Variants in FBXO31 observed in about 807,000 individuals in gnomAD.
The protein encoded by FBXO31 is F-box protein 31, also known as F-box only protein 31.
Under a neutral mutation model 54.4 loss-of-function variants are expected in FBXO31, and 24 were observed. The ratio of observed to expected loss-of-function variants is 0.44; its 90% CI spans 0.32 to 0.62. The LOEUF (loss-of-function observed/expected upper bound fraction) is 0.62, where lower values mean the gene tolerates loss of function less well. Among genes scored for constraint, FBXO31 ranks in the 20% least tolerant of loss-of-function variants. The pLI, the probability that FBXO31 is intolerant of heterozygous loss-of-function variation, is 0.05. For missense variants in FBXO31, 665 were observed against 787.1 expected (o/e 0.84, Z 1.86); for synonymous variants, 388 against 335.6 (o/e 1.16, Z -1.71).
chr16:87,376,232 T>G (rs1906817879), intron 1 of FBXO31, among the ~76,000 whole-genome samples: 1 of 152,114 alleles, frequency 6.6e-6, no homozygotes. Flanking sequence ...CCATTTTTGT[T>G]GCTTGCTCTC....
At chr16:87,347,291 A>G (rs759190480) in intron 2 of FBXO31, 41 bp from the exon 3 acceptor site, 7 of 1,579,194 alleles carry the variant, frequency 4.4e-6, no homozygotes, top group Non-Finnish European at 6.1e-6. Context: ...TGTTAGACCC[A>G]GCGTGCCGCA....
chr16:87,377,617 C>A (rs1012041655), intron 1 of FBXO31, among the ~76,000 whole-genome samples: 1 of 151,970 alleles, frequency 6.6e-6, no homozygotes, highest in Non-Finnish European at 1.5e-5. Flanking sequence ...CTTGAGGCCA[C>A]GAGTTCAAGA....
Position 87,360,300 on chromosome 16 carries a change from G to A in FBXO31, c.407C>T (p.Ala136Val), listed in dbSNP as rs746480158. Residue 136 changes from alanine to valine, a missense_variant, in exon 2 of 9, where the codon GCG (alanine) becomes GTG (valine). This residue lies in a region of FBXO31 where 234 missense variants were observed against 346.8 expected (regional missense o/e 0.67). Transcript: ENST00000311635. ...ITGVSCRDVY[A>V]KLLHRYRHIL... ...TAACAAATAGATTCACTCACGCTTC[G>A]CATAGACGTCCCGACAAGACACGCC... is the stretch of plus-strand genomic sequence containing the variant. 5 of 1,613,790 alleles carry A rather than the reference G, an allele frequency of 3.1e-6. No homozygotes were observed. The South Asian group carries it at 3.3e-5, about 11-fold the overall frequency.
rs1294251723 is a variant in FBXO31 at position 87,336,348 on chromosome 16, T to C, written c.733-84A>G. The C allele has an allele frequency of 1.1e-5, 14 of 1,245,178 alleles. No individual in the cohort carries two copies. Among genetic ancestry groups the C allele is most frequent in the Non-Finnish European group, 1.5e-5 (13 of 858,058 alleles). 77.1% of individuals were successfully genotyped at this position (1,245,178 alleles called of 1,614,324 possible). A position where few individuals can be genotyped will look rare whatever the true frequency, so the allele number is the denominator to read the frequency against. On this transcript the variant is annotated intron_variant, in intron 5 of 8. Transcript: ENST00000311635. The surrounding 1 kb of genome is among the most constrained non-coding windows in gnomAD (Gnocchi z 6.5). ...CGGCTGTGCCGCTGAGAGGACACAGTGTGTCCTTCTTTGTCAGTGCACAGG... is the reference window on the plus strand; with the variant it reads ...CGGCTGTGCCGCTGAGAGGACACAGCGTGTCCTTCTTTGTCAGTGCACAGG...
At chr16:87,386,625 G>A (rs1907336284), upstream of FBXO31, among the ~76,000 whole-genome samples, 1 of 152,082 alleles carries the variant, frequency 6.6e-6, no homozygotes, top group Non-Finnish European at 1.5e-5. Context: ...ATAGAGATGG[G>A]TTTTTGCCAT....
At chr16:87,353,699 C>T (rs944922293) in intron 2 of FBXO31, among the ~76,000 whole-genome samples, 1 of 151,396 alleles carries the variant, frequency 6.6e-6, no homozygotes, top group Non-Finnish European at 1.5e-5. Flanking sequence ...GGAGGCTCCG[C>T]AAGACCCTTC....
chr16:87,360,383 T>C lies in FBXO31; in HGVS notation c.341-17A>G. On this transcript the variant is annotated splice_polypyrimidine_tract_variant and intron_variant, in intron 1 of 8. Coordinates refer to ENST00000311635, the MANE Select transcript of FBXO31 (RefSeq NM_024735.5). ...CACCATACTCTGTAACAAGAAACAT[T>C]TGCAGAAATTTAAGATCAACAACTC... The C allele has an allele frequency of 6.2e-7, 1 of 1,613,192 alleles. No individual in the cohort carries two copies. The highest frequency in any genetic ancestry group is 8.5e-7 in the Non-Finnish European group (1 of 1,179,482).
chr16:87,386,448 TTAGAGA>T (rs1907330758), upstream of FBXO31, among the ~76,000 whole-genome samples: 1 of 152,218 alleles, frequency 6.6e-6, no homozygotes, highest in Admixed American at 6.5e-5. Flanking sequence ...ATTTATTTAT[TTAGAGA>T]CGGAGTCTCA....
At chr16:87,391,388 C>T (rs768754267), upstream of FBXO31, among the ~76,000 whole-genome samples, 6 of 152,198 alleles carry the variant, frequency 3.9e-5, no homozygotes, top group Non-Finnish European at 2.9e-5. Flanking sequence ...AACCAAATAT[C>T]GCATGGTGGT....
chr16:87,383,371 G>GCCCCCCCCCCCCCCC lies in FBXO31; in HGVS notation c.340+33_340+34insGGGGGGGGGGGGGGG. 1.3e-6 allele frequency: 1 copy of GCCCCCCCCCCCCCCC among 793,300 alleles called. No homozygotes were observed. Among genetic ancestry groups the GCCCCCCCCCCCCCCC allele is most frequent in the Admixed American group, 3.2e-5 (1 of 31,116 alleles). 49.1% of individuals were successfully genotyped at this position (793,300 alleles called of 1,614,324 possible). A position where few individuals can be genotyped will look rare whatever the true frequency, so the allele number is the denominator to read the frequency against. The stretch of plus-strand genomic sequence containing the variant: ...GGCCTCCACCTGGCAGGGACCCCCC[G>GCCCCCCCCCCCCCCC]CCCCTCCCGGCCCCGCCACCCCCGC... On this transcript the variant is annotated intron_variant, in intron 1 of 8. Coordinates refer to ENST00000311635, the MANE Select transcript of FBXO31 (RefSeq NM_024735.5). This position sits in a 1 kb window ranked among gnomAD's most constrained non-coding sequence, Gnocchi z 4.9.
At chr16:87,357,554 C>T (rs1021615303) in intron 2 of FBXO31, among the ~76,000 whole-genome samples, 5 of 152,086 alleles carry the variant, frequency 3.3e-5, no homozygotes, top group African/African-American at 4.8e-5. Flanking sequence ...TCTCGAACTC[C>T]TGACCTCAGA....
At chr16:87,391,240 G>C (rs1907533539), upstream of FBXO31, among the ~76,000 whole-genome samples, 1 of 152,076 alleles carries the variant, frequency 6.6e-6, no homozygotes, top group Non-Finnish European at 1.5e-5. Context: ...CCAGGCGACC[G>C]AGGCCGCCGC....
intron 1 of FBXO31, among the ~76,000 whole-genome samples, chr16:87,365,586 G>A (rs1850201742): frequency 6.6e-6 from 1 of 152,216 alleles, no homozygotes; most frequent in African/African-American, 2.4e-5. Context: ...ATGGCTGGAG[G>A]AGCCCTGCAC....
chr16:87,381,194 C>A (rs1907060154), intron 1 of FBXO31, among the ~76,000 whole-genome samples: 1 of 151,842 alleles, frequency 6.6e-6, no homozygotes, highest in South Asian at 2.1e-4. Context: ...ATGTACATGA[C>A]AAAAATCTTG....
chr16:87,340,248 C>T (rs973741219), intron 5 of FBXO31, among the ~76,000 whole-genome samples: 3 of 152,244 alleles, frequency 2.0e-5, no homozygotes, highest in Non-Finnish European at 2.9e-5. Context: ...GATCATACCA[C>T]TGTACTCCAG....
intron 2 of FBXO31, among the ~76,000 whole-genome samples, chr16:87,357,746 C>T (rs1905959202): frequency 6.6e-6 from 1 of 152,132 alleles, no homozygotes. Context: ...GCCTGGCCAA[C>T]ATGATGAAAC....
At chr16:87,369,006 C>T (rs972937934) in intron 1 of FBXO31, among the ~76,000 whole-genome samples, 1 of 152,036 alleles carries the variant, frequency 6.6e-6, no homozygotes, top group Non-Finnish European at 1.5e-5. Context: ...TTCGCCATGT[C>T]TCGAACTCCT....
chr16:87,355,475 A>AC (rs748898427), intron 2 of FBXO31, among the ~76,000 whole-genome samples: 6 of 152,230 alleles, frequency 3.9e-5, no homozygotes, highest in Admixed American at 6.5e-5. Context: ...TTTTTCACAC[A>AC]CAAGAACTTT....
At chr16:87,368,518 G>A (rs1362213576) in intron 1 of FBXO31, among the ~76,000 whole-genome samples, 1 of 152,146 alleles carries the variant, frequency 6.6e-6, no homozygotes. Context: ...AACTCCAGAC[G>A]GCCAGCACGA....
Sources: allele counts gnomAD v4.1 joint callset (sites outside exome capture counted in the v4.1 genomes callset), GRCh38; gene constraint gnomAD v4.1.1; regional missense constraint gnomAD v4.1.1; non-coding constraint Gnocchi (gnomAD v3.1); transcripts MANE v1.5; gene names NCBI Gene and HGNC (gene_info 2026-07-23, HGNC 2026-07-21).